Variants in WLS observed in about 807,000 individuals in gnomAD.
WLS encodes protein wntless homolog.
WLS carries 23 observed loss-of-function variants against 62.8 expected under a neutral mutation model. The ratio of observed to expected loss-of-function variants is 0.37; its 90% CI spans 0.26 to 0.52. The LOEUF is 0.52. WLS is among the 20% of genes least tolerant of loss of function. WLS has a pLI of 0.92. For missense variants in WLS, 615 were observed against 697.3 expected (o/e 0.88, Z 1.33); for synonymous variants, 246 against 244.1 (o/e 1.01, Z -0.07).
chr1:68,145,950 C>T lies in WLS; in HGVS notation c.1197G>A (p.Met399Ile). The change falls in exon 9 of 12, where the codon ATG becomes ATA. Residue 399 changes from methionine (M) to isoleucine (I), a missense_variant. By Grantham distance (10) the Met-to-Ile change is conservative (BLOSUM62 1). Transcript: ENST00000262348. ...LCLYFLFLCF[M>I]VFQVFRNISG... ...TGATGTTCCGAAACACCTGAAATAC[C>T]ATGAAGCATAGAAACAGGAAGTAGA... 3.1e-6 allele frequency: 5 copies of T among 1,614,122 alleles called. No homozygotes were observed. Among genetic ancestry groups the T allele is most frequent in the Non-Finnish European group, 3.4e-6 (4 of 1,180,036 alleles).
chr1:68,186,982 C>T lies in WLS; in HGVS notation c.379+6973G>A, dbSNP rs181192190. The stretch of plus-strand genomic sequence containing the variant: ...ATCCCCGCATTTTGGGAGGCCGAGG[C>T]GGGCGGATCACAAGGTCAGGAGATC... On this transcript the variant is annotated intron_variant, in intron 2 of 11. Coordinates refer to ENST00000262348, the MANE Select transcript of WLS (RefSeq NM_024911.7). 1.9e-3 allele frequency among the ~76,000 whole-genome samples: 288 copies of T among 151,664 alleles called. 1 individual carries two copies. Among genetic ancestry groups the T allele is most frequent in the Admixed American group, 0.013 (192 of 15,226 alleles).
At position 68,150,229 on chromosome 1, in the gene WLS, G is replaced by GTT; in HGVS notation, c.930_931insAA (p.Leu311AsnfsTer14). On this transcript the variant is annotated frameshift_variant, in exon 6 of 12. Coordinates refer to ENST00000262348, the MANE Select transcript of WLS (RefSeq NM_024911.7). LOFTEE classifies it high-confidence loss of function. ...CAGAAGATGATCCAGAAGGACAGAAGCATCGCATAGAAGATGCCCTGTCGG... is the reference window on the plus strand; with the variant it reads ...CAGAAGATGATCCAGAAGGACAGAAGTTCATCGCATAGAAGATGCCCTGTCGG... The GTT allele has an allele frequency of 6.2e-7, 1 of 1,614,184 alleles. No individual in the cohort carries two copies.
At chr1:68,148,761 G>T in intron 6 of WLS, 101 bp from the exon 7 acceptor site, 1 of 1,023,780 alleles carries the variant, frequency 9.8e-7, no homozygotes, top group Non-Finnish European at 1.5e-6. Context: ...ACCACCTATT[G>T]TGTATCAAGC....
chr1:68,201,493 A>T (rs556689654), intron 1 of WLS, among the ~76,000 whole-genome samples: 2 of 152,370 alleles, frequency 1.3e-5, no homozygotes, highest in South Asian at 2.1e-4. Flanking sequence ...ATTAAATCTT[A>T]CTAGCTTACT....
intron 1 of WLS, among the ~76,000 whole-genome samples, chr1:68,201,204 T>A (rs1198029174): frequency 6.6e-6 from 1 of 152,224 alleles, no homozygotes; most frequent in Non-Finnish European, 1.5e-5. Flanking sequence ...TGAGGTCTTA[T>A]GAGCCAAACC....
At chr1:68,162,734 C>T (rs1287840159) in intron 2 of WLS, 8 of 1,148,250 alleles carry the variant, frequency 7.0e-6, no homozygotes, top group Non-Finnish European at 9.2e-6. Flanking sequence ...ACAGCAATTC[C>T]GAGCTCGCTG....
chr1:68,217,959 A>G (rs2100656523), intron 1 of WLS, among the ~76,000 whole-genome samples: 1 of 152,348 alleles, frequency 6.6e-6, no homozygotes, highest in East Asian at 1.9e-4. Context: ...AAAGTCTCAC[A>G]GCAATTAAGC....
intron 11 of WLS, among the ~76,000 whole-genome samples, chr1:68,112,708 T>A (rs1455491828): frequency 6.6e-6 from 1 of 152,206 alleles, no homozygotes; most frequent in Non-Finnish European, 1.5e-5. Flanking sequence ...GTACCTCCCA[T>A]TGGTCACCGA....
At chr1:68,123,382 TATC>T (rs917463396), downstream of WLS, among the ~76,000 whole-genome samples, 19 of 152,038 alleles carry the variant, frequency 1.2e-4, no homozygotes, top group Admixed American at 6.6e-4. Flanking sequence ...TTATCCACCT[TATC>T]TTCTTCCCCT....
chr1:68,230,345 T>C (rs1650348598), intron 1 of WLS, among the ~76,000 whole-genome samples: 1 of 151,998 alleles, frequency 6.6e-6, no homozygotes, highest in Non-Finnish European at 1.5e-5. Flanking sequence ...AAATTTTAAT[T>C]ATGGTCTGCC....
At chr1:68,160,830 A>C (rs971267622) in intron 2 of WLS, among the ~76,000 whole-genome samples, 1 of 152,220 alleles carries the variant, frequency 6.6e-6, no homozygotes, top group African/African-American at 2.4e-5. Flanking sequence ...TGTGAATAGA[A>C]CATGTAACTA....
At position 68,144,670 on chromosome 1, in the gene WLS, G is replaced by A; in HGVS notation, c.1279-18C>T. ...ATTAGCCCCTATTAGAAAAGAAAGA[G>A]TAGTTTAATACTCCATCAGCTACCA... is the stretch of plus-strand genomic sequence containing the variant. On this transcript the variant is annotated intron_variant, in intron 9 of 11. Transcript: ENST00000262348. 6.3e-7 allele frequency: 1 copy of A among 1,596,808 alleles called. No individual in the cohort carries two copies. The highest frequency in any genetic ancestry group is 8.6e-7 in the Non-Finnish European group (1 of 1,164,902).
intron 5 of WLS, among the ~76,000 whole-genome samples, chr1:68,150,941 T>C (rs1646817262): frequency 6.6e-6 from 1 of 152,244 alleles, no homozygotes; most frequent in Non-Finnish European, 1.5e-5. Context: ...TTCCATCCCC[T>C]TGAAACACAT....
chr1:68,172,100 G>A (rs1384529301), intron 2 of WLS, among the ~76,000 whole-genome samples: 1 of 151,782 alleles, frequency 6.6e-6, no homozygotes, highest in Non-Finnish European at 1.5e-5. Flanking sequence ...ACTCATAAGT[G>A]GGAGTTGAAC....
At chr1:68,167,695 C>T (rs867154354) in intron 2 of WLS, among the ~76,000 whole-genome samples, 1 of 152,168 alleles carries the variant, frequency 6.6e-6, no homozygotes, top group African/African-American at 2.4e-5. Flanking sequence ...ACTATACCAG[C>T]AGCTTTGGTA....
At chr1:68,127,105 G>A in intron 11 of WLS, 1 of 404,662 alleles carries the variant, frequency 2.5e-6, no homozygotes, top group Non-Finnish European at 4.9e-6. Context: ...TGAGGCAGGA[G>A]GATCACTGGA....
chr1:68,147,887 C>G (rs1246535798), intron 8 of WLS, among the ~76,000 whole-genome samples: 1 of 152,170 alleles, frequency 6.6e-6, no homozygotes, highest in African/African-American at 2.4e-5. Flanking sequence ...TGCAGTAAGC[C>G]TAGCAACTCG....
In WLS at chr1:68,194,157, C is replaced by T. The variant is rs1225590510; in HGVS notation, c.177G>A (p.Lys59=). ...GTCCCCAAGGCACGAACCATTTTGTCTTGTGATGGTTCTTACGGGCATCCA... is the reference window on the plus strand; with the variant it reads ...GTCCCCAAGGCACGAACCATTTTGTTTTGTGATGGTTCTTACGGGCATCCA... ...KCVDARKNHH[K]TKWFVPWGPN... Residue 59 remains lysine, a synonymous_variant, in exon 2 of 12, where the codon AAG becomes AAA. Coordinates refer to ENST00000262348, the MANE Select transcript of WLS (RefSeq NM_024911.7). The T allele has an allele frequency of 2.5e-6, 4 of 1,614,086 alleles. No individual in the cohort carries two copies. The African/African-American group carries it at 5.3e-5, about 22-fold the overall frequency.
intron 2 of WLS, among the ~76,000 whole-genome samples, chr1:68,160,466 A>C (rs1646957600): frequency 6.6e-6 from 1 of 152,208 alleles, no homozygotes; most frequent in South Asian, 2.1e-4. Flanking sequence ...TGGAATAGGC[A>C]GATAGAACCC....
Sources: allele counts gnomAD v4.1 joint callset (sites outside exome capture counted in the v4.1 genomes callset), GRCh38; gene constraint gnomAD v4.1.1; transcripts MANE v1.5; gene names NCBI Gene and HGNC (gene_info 2026-07-23, HGNC 2026-07-21).